The following MYO10 variants were observed in gnomAD, a reference collection of about 807,000 sequenced individuals.
MYO10 encodes unconventional myosin-X.
Under a neutral mutation model 257.3 loss-of-function variants are expected in MYO10, and 133 were observed. The observed-to-expected ratio is 0.52, with a 90% CI of 0.45 to 0.60. MYO10 has a LOEUF of 0.60. Among genes scored for constraint, MYO10 ranks in the 20% least tolerant of loss-of-function variants. MYO10 has a pLI of 0.00. For synonymous variants in MYO10, 1,104 were observed against 1,028.6 expected (o/e 1.07, Z -1.40); for missense variants, 2,399 against 2,635.7 (o/e 0.91, Z 1.97).
chr5:16,794,919 A>G (rs202036668), intron 3 of MYO10, 86 bp from the exon 4 acceptor site: 14 of 377,998 alleles, frequency 3.7e-5, no homozygotes, highest in South Asian at 1.2e-4. Context: ...AGTGTGCGCC[A>G]GGGGGAAAGA....
chr5:16,844,326 T>C (rs1325474541), intron 2 of MYO10, among the ~76,000 whole-genome samples: 1 of 152,194 alleles, frequency 6.6e-6, no homozygotes, highest in African/African-American at 2.4e-5. Context: ...CACTATCAGG[T>C]CCACATCACG....
intron 1 of MYO10, among the ~76,000 whole-genome samples, chr5:16,885,956 G>C (rs1486384527): frequency 1.3e-5 from 2 of 152,134 alleles, no homozygotes; most frequent in African/African-American, 4.8e-5. Context: ...GCCTTCATAG[G>C]TCCTTGCCAT....
chr5:16,670,679 GTCCAGCATCTGC>G lies in MYO10; in HGVS notation c.5718_5729del (p.Glu1906_Leu1909del), dbSNP rs773142066. On this transcript the variant is annotated inframe_deletion, in exon 39 of 41. Transcript: ENST00000513610. ...AGGAGACTTCTTCCTTAATCCACAT[GTCCAGCATCTGC>G]TCCTCCTCGACCTTCTGCCGGACCA... The G allele has an allele frequency of 6.2e-7, 1 of 1,614,004 alleles. No individual in the cohort carries two copies. The highest frequency in any genetic ancestry group is 1.7e-5 in the Admixed American group (1 of 60,022).
chr5:16,717,051 G>A (rs1579895192), intron 19 of MYO10, among the ~76,000 whole-genome samples: 1 of 152,122 alleles, frequency 6.6e-6, no homozygotes, highest in East Asian at 1.9e-4. Context: ...TGGCCAGACT[G>A]GTCTTGAACT....
At position 16,762,143 on chromosome 5, in the gene MYO10, A is replaced by AAAAAAAAT. The variant is rs370443366; in HGVS notation, c.1588-31_1588-30insATTTTTTT. 787 of 1,091,554 alleles carry AAAAAAAAT rather than the reference A, an allele frequency of 7.2e-4. 33 individuals carry two copies. The highest frequency in any genetic ancestry group is 1.3e-3 in the Middle Eastern group (4 of 3,096). The allele number at this position is 1,091,554 out of a possible 1,614,324, so 67.6% of individuals were successfully genotyped here. On this transcript the variant is annotated intron_variant, in intron 15 of 40. Transcript: ENST00000513610. ...AAAAAAAAAAAAAAAAAAAAAAAAA[A>AAAAAAAAT]ATACAATGCCTTATTTCACTCACTG...
intron 17 of MYO10, among the ~76,000 whole-genome samples, chr5:16,760,477 A>C (rs999028977): frequency 9.3e-5 from 14 of 151,192 alleles, no homozygotes; most frequent in Non-Finnish European, 1.9e-4. Flanking sequence ...AAAAAAACAA[A>C]CCAAAAAAAA....
intron 1 of MYO10, among the ~76,000 whole-genome samples, chr5:16,881,260 C>A (rs1744748222): frequency 6.6e-6 from 1 of 152,162 alleles, no homozygotes; most frequent in Non-Finnish European, 1.5e-5. Flanking sequence ...AAACTGTCAG[C>A]AGGATTAATA....
chr5:16,875,897 C>T (rs1016816654), intron 2 of MYO10, among the ~76,000 whole-genome samples: 11 of 152,168 alleles, frequency 7.2e-5, no homozygotes, highest in African/African-American at 2.7e-4. Context: ...CACTCGAGGT[C>T]AGGAGTTCAA....
Position 16,835,492 on chromosome 5 carries a change from G to GGTT in MYO10, c.121-17326_121-17325insAAC, listed in dbSNP as rs1554001243. ...GATCACACCAAAGTCATTTTTGGCT[G>GGTT]TTTTTTTTTTTTTTTTTTTTTTTGG... On this transcript the variant is annotated intron_variant, in intron 2 of 40. Transcript: ENST00000513610. Among the ~76,000 whole-genome samples, 142 of 81,072 alleles carry GGTT rather than the reference G, an allele frequency of 1.8e-3. 4 individuals are homozygous for GGTT. The highest frequency in any genetic ancestry group is 5.5e-3 in the East Asian group (13 of 2,350). The allele number at this position is 81,072 out of a possible 152,430, so 53.2% of individuals were successfully genotyped here. A position where few individuals can be genotyped will look rare whatever the true frequency, so the allele number is the denominator to read the frequency against.
In MYO10 at chr5:16,779,628, G is replaced by A. The variant is rs1323108014; in HGVS notation, c.847C>T (p.Pro283Ser). The change falls in exon 9 of 41, where the codon CCA (proline) becomes TCA (serine). Residue 283 changes from proline to serine, a missense_variant. Coordinates refer to ENST00000513610, the MANE Select transcript of MYO10 (RefSeq NM_012334.3). ...TGATTCAAGTAGTGGTAGTTTTCTG[G>A]CGTAGATAAATAAAATTCTTCTACA... is the stretch of plus-strand genomic sequence containing the variant. The part of the protein sequence containing the change: ...EEREEFYLST[P>S]ENYHYLNQSG... 3 of 1,601,348 alleles carry A rather than the reference G, an allele frequency of 1.9e-6. No individual in the cohort carries two copies. The highest frequency in any genetic ancestry group is 1.3e-5 in the African/African-American group (1 of 74,282).
intron 11 of MYO10, among the ~76,000 whole-genome samples, chr5:16,765,313 C>T (rs1372718665): frequency 1.3e-5 from 2 of 152,190 alleles, no homozygotes; most frequent in African/African-American, 2.4e-5. Context: ...CTGGCACAGC[C>T]TCCCAGCCTA....
chr5:16,882,246 A>T (rs1173708593), intron 1 of MYO10, among the ~76,000 whole-genome samples: 2 of 152,184 alleles, frequency 1.3e-5, no homozygotes, highest in African/African-American at 2.4e-5. Context: ...TACTGCCAAC[A>T]ATGATTTCCT....
At chr5:16,820,632 T>C (rs1742770966) in intron 2 of MYO10, among the ~76,000 whole-genome samples, 1 of 152,142 alleles carries the variant, frequency 6.6e-6, no homozygotes, top group South Asian at 2.1e-4. Context: ...AGCAAGTCCT[T>C]CTCAACGTGA....
chr5:16,816,537 CTT>C (rs372989287), intron 3 of MYO10, among the ~76,000 whole-genome samples: 10 of 140,320 alleles, frequency 7.1e-5, no homozygotes, highest in Admixed American at 7.2e-5. Flanking sequence ...GCTGATTTTT[CTT>C]TTTTTTTTTT....
At chr5:16,871,221 C>T (rs1475585219) in intron 2 of MYO10, among the ~76,000 whole-genome samples, 1 of 152,108 alleles carries the variant, frequency 6.6e-6, no homozygotes, top group Non-Finnish European at 1.5e-5. Context: ...CTTAACATAC[C>T]AAGCTGGGTC....
At chr5:16,916,405 T>TAAA (rs71596001) in intron 1 of MYO10, 22,027 of 103,806 alleles carry the variant, frequency 0.21, 2,694 homozygotes, top group Middle Eastern at 0.31. Flanking sequence ...AGCCATGAAG[T>TAAA]AAAAAAAAAA....
chr5:16,681,984 T>A lies in MYO10; in HGVS notation c.4076A>T (p.Asn1359Ile). ...RPNSFVIITA[N>I]RVLHCNADTP... ...GTCGGCGTTGCAGTGCAGCACCCGG[T>A]TGGCCGTGATGATCACAAACGAGTT... The change falls in exon 31 of 41, where the codon AAC (asparagine) becomes ATC (isoleucine). Residue 1359 changes from asparagine to isoleucine, a missense_variant. Coordinates refer to ENST00000513610, the MANE Select transcript of MYO10 (RefSeq NM_012334.3). 6.2e-7 allele frequency: 1 copy of A among 1,613,790 alleles called. No individual in the cohort carries two copies. The highest frequency in any genetic ancestry group is 8.5e-7 in the Non-Finnish European group (1 of 1,179,886).
chr5:16,817,160 A>T (rs1398302179), intron 3 of MYO10, among the ~76,000 whole-genome samples: 2 of 152,234 alleles, frequency 1.3e-5, no homozygotes, highest in Non-Finnish European at 2.9e-5. Context: ...CATATTGGCA[A>T]AGAAATGTAA....
At chr5:16,676,687 G>C (rs1736739477) in intron 33 of MYO10, among the ~76,000 whole-genome samples, 1 of 152,172 alleles carries the variant, frequency 6.6e-6, no homozygotes, top group South Asian at 2.1e-4. Flanking sequence ...CGGCACTCCA[G>C]CCTGGCTGAC....
Sources: allele counts gnomAD v4.1 joint callset (sites outside exome capture counted in the v4.1 genomes callset), GRCh38; gene constraint gnomAD v4.1.1; transcripts MANE v1.5; gene names NCBI Gene and HGNC (gene_info 2026-07-23, HGNC 2026-07-21).